Variants in MB21D2 observed in about 807,000 individuals in gnomAD.
MB21D2 encodes nucleotidyltransferase MB21D2.
In MB21D2, 9 loss-of-function variants were observed where a neutral mutation model predicts 33.3. The ratio of observed to expected loss-of-function variants is 0.27; its 90% CI spans 0.16 to 0.47. MB21D2 has a LOEUF of 0.47. MB21D2 is among the 20% of genes least tolerant of loss of function. The pLI is 0.99. For missense variants in MB21D2, 540 were observed against 624.6 expected, an observed-to-expected ratio of 0.86 and a Z score of 1.44; for synonymous variants, 241 against 236.3, an observed-to-expected ratio of 1.02 and a Z score of -0.18.
At chr3:192,910,520 G>A (rs1054669407) in intron 1 of MB21D2, among the ~76,000 whole-genome samples, 5 of 152,058 alleles carry the variant, frequency 3.3e-5, no homozygotes, top group African/African-American at 4.8e-5. Context: ...CTAAGTTCTA[G>A]AAATGCATCT....
intron 1 of MB21D2, among the ~76,000 whole-genome samples, chr3:192,830,512 TC>T (rs1249067516): frequency 6.6e-6 from 1 of 152,178 alleles, no homozygotes; most frequent in Non-Finnish European, 1.5e-5. Flanking sequence ...ATGGCTCTTA[TC>T]TGCTTCATAC....
At chr3:192,916,251 G>A (rs1027313943) in intron 1 of MB21D2, among the ~76,000 whole-genome samples, 2 of 152,052 alleles carry the variant, frequency 1.3e-5, no homozygotes, top group Non-Finnish European at 2.9e-5. Context: ...GTTTTAACAT[G>A]TTTCATCTAA....
In MB21D2 at chr3:192,799,344, C is replaced by A. The variant is rs1417905752; in HGVS notation, c.518G>T (p.Gly173Val). ...AGGTGAGAAGAAGTAGTTGGTGGCA[C>A]CATTGATGTGATCTACAATGGTGCA... ...DCCTIVDHIN[G>V]ATNYFFSPTK... The change falls in exon 2 of 2, where the codon GGT becomes GTT. Residue 173 changes from glycine to valine, a missense_variant. Coordinates refer to ENST00000392452, the MANE Select transcript of MB21D2 (RefSeq NM_178496.4). The surrounding 1 kb of genome is among the most constrained non-coding windows in gnomAD (Gnocchi z 4.1). 1.2e-6 allele frequency: 2 copies of A among 1,614,100 alleles called. No homozygotes were observed. The highest frequency in any genetic ancestry group is 1.1e-5 in the South Asian group (1 of 91,090).
At chr3:192,820,937 T>TA (rs1159477959) in intron 1 of MB21D2, among the ~76,000 whole-genome samples, 2 of 151,002 alleles carry the variant, frequency 1.3e-5, no homozygotes, top group African/African-American at 2.4e-5. Flanking sequence ...CTTTTTTTTA[T>TA]ATATATTTTT....
chr3:192,901,603 A>C (rs1174559491), intron 1 of MB21D2, among the ~76,000 whole-genome samples: 2 of 152,118 alleles, frequency 1.3e-5, no homozygotes, highest in African/African-American at 4.8e-5. Context: ...AAAACAAGTC[A>C]AGGTACAAAC....
chr3:192,877,055 G>C (rs1372733921), intron 1 of MB21D2, among the ~76,000 whole-genome samples: 2 of 152,200 alleles, frequency 1.3e-5, no homozygotes, highest in Non-Finnish European at 2.9e-5. Context: ...GTATGAAAGA[G>C]AAGGAGAGAA....
rs374677716 is a variant in MB21D2, at chr3:192,835,637, T to C, written c.212-35987A>G. On this transcript the variant is annotated intron_variant, in intron 1 of 1. Transcript: ENST00000392452. ...AACCGTCTGTTGGTCTAAAACTATTTATTAAGACATCAAGAATCATTTTCA... is the reference window on the plus strand; with the variant it reads ...AACCGTCTGTTGGTCTAAAACTATTCATTAAGACATCAAGAATCATTTTCA... Among the ~76,000 whole-genome samples the C allele has an allele frequency of 5.3e-5, 8 of 152,176 alleles. No homozygotes were observed. In the South Asian group the frequency reaches 6.2e-4, roughly 12 times the overall value.
chr3:192,856,062 G>C (rs901535866), intron 1 of MB21D2, among the ~76,000 whole-genome samples: 1 of 152,176 alleles, frequency 6.6e-6, no homozygotes. Flanking sequence ...GTCTCAAAAA[G>C]TAAATAAAAA....
chr3:192,883,730 G>C (rs1253436565), intron 1 of MB21D2, among the ~76,000 whole-genome samples: 2 of 151,970 alleles, frequency 1.3e-5, no homozygotes, highest in Non-Finnish European at 2.9e-5. Flanking sequence ...TGTAATACTA[G>C]GAGAGTCACC....
chr3:192,799,756 T>C lies in MB21D2; in HGVS notation c.212-106A>G, dbSNP rs1303918633. On this transcript the variant is annotated intron_variant, in intron 1 of 1. Coordinates refer to ENST00000392452, the MANE Select transcript of MB21D2 (RefSeq NM_178496.4). This position sits in a 1 kb window ranked among gnomAD's most constrained non-coding sequence, Gnocchi z 4.1. ...ATGTTCCAAGAACCAAAACTCATTA[T>C]CAGTACTAAATCAAATCTCAGGCTG... The C allele has an allele frequency of 3.4e-5, 42 of 1,224,794 alleles. No individual in the cohort carries two copies. The highest frequency in any genetic ancestry group is 4.0e-4 in the Middle Eastern group (2 of 5,048). The allele number at this position is 1,224,794 out of a possible 1,614,324, so 75.9% of individuals were successfully genotyped here.
chr3:192,872,885 CTCTG>C (rs1258247391), intron 1 of MB21D2, among the ~76,000 whole-genome samples: 1 of 152,182 alleles, frequency 6.6e-6, no homozygotes, highest in African/African-American at 2.4e-5. Flanking sequence ...AGATCTTGAC[CTCTG>C]TTCCCTTAGG....
At chr3:192,869,266 AAAGGAAGGAAGG>A (rs1203888925) in intron 1 of MB21D2, among the ~76,000 whole-genome samples, 2 of 116,942 alleles carry the variant, frequency 1.7e-5, no homozygotes, top group South Asian at 7.0e-4. Flanking sequence ...AAAAAAAAAG[AAAGGAAGGAAGG>A]AAGGAAGGAG....
intron 1 of MB21D2, among the ~76,000 whole-genome samples, chr3:192,807,449 C>T (rs1466065359): frequency 6.6e-6 from 1 of 152,082 alleles, no homozygotes; most frequent in Non-Finnish European, 1.5e-5. Flanking sequence ...CCCAAGAACC[C>T]ATAAGCTTGT....
chr3:192,884,756 A>G (rs1008069719), intron 1 of MB21D2, among the ~76,000 whole-genome samples: 8 of 152,060 alleles, frequency 5.3e-5, no homozygotes, highest in African/African-American at 1.9e-4. Flanking sequence ...ACATGCACAC[A>G]TGTGTACAAC....
intron 1 of MB21D2, among the ~76,000 whole-genome samples, chr3:192,817,004 A>G (rs1711940261): frequency 6.6e-6 from 1 of 152,246 alleles, no homozygotes; most frequent in African/African-American, 2.4e-5. Flanking sequence ...TTGTATTTTT[A>G]AAATCACATT....
intron 1 of MB21D2, among the ~76,000 whole-genome samples, chr3:192,801,555 A>G (rs1348987356): frequency 6.6e-6 from 1 of 152,150 alleles, no homozygotes; most frequent in Non-Finnish European, 1.5e-5. Flanking sequence ...TGGAACCCTC[A>G]TGAGTGGGAT....
chr3:192,901,880 T>C (rs2108652108), intron 1 of MB21D2, among the ~76,000 whole-genome samples: 1 of 152,366 alleles, frequency 6.6e-6, no homozygotes, highest in Middle Eastern at 3.4e-3. Context: ...TTAAATGTTC[T>C]AAATCTGAAA....
At chr3:192,809,464 T>A (rs924713127) in intron 1 of MB21D2, among the ~76,000 whole-genome samples, 1 of 152,196 alleles carries the variant, frequency 6.6e-6, no homozygotes, top group African/African-American at 2.4e-5. Context: ...ATGGCCATGA[T>A]AGCTGACCTG....
chr3:192,801,816 T>C (rs1205624979), intron 1 of MB21D2, among the ~76,000 whole-genome samples: 1 of 152,238 alleles, frequency 6.6e-6, no homozygotes, highest in Non-Finnish European at 1.5e-5. Context: ...CTTTAAAATT[T>C]AACGCTCATT....
Sources: allele counts gnomAD v4.1 joint callset (sites outside exome capture counted in the v4.1 genomes callset), GRCh38; gene constraint gnomAD v4.1.1; non-coding constraint Gnocchi (gnomAD v3.1); transcripts MANE v1.5; gene names NCBI Gene and HGNC (gene_info 2026-07-23, HGNC 2026-07-21).